ANO3: variants seen among roughly 807,000 people sequenced by gnomAD.
ANO3 encodes the protein anoctamin 3.
In ANO3, 99 loss-of-function variants were observed where a neutral mutation model predicts 144.8. The observed-to-expected ratio is 0.68, with a 90% CI of 0.58 to 0.81. The LOEUF is 0.81. Ranked by LOEUF, ANO3 falls within the 30% of genes least tolerant of loss-of-function variation. The pLI is 0.00. For missense variants in ANO3, 905 were observed against 1,202.2 expected (o/e 0.75, Z 3.66); for synonymous variants, 414 against 392.6 (o/e 1.05, Z -0.64).
intron 9 of ANO3, 89 bp from the exon 10 acceptor site, chr11:26,537,313 AATCG>A (rs1849534863): frequency 1.9e-6 from 2 of 1,037,058 alleles, no homozygotes; most frequent in African/African-American, 3.2e-5. Flanking sequence ...TAAACTTTTT[AATCG>A]ATTCATTGTT....
At chr11:26,393,954 AT>A (rs1856942950) in intron 1 of ANO3, among the ~76,000 whole-genome samples, 1 of 152,184 alleles carries the variant, frequency 6.6e-6, no homozygotes, top group Non-Finnish European at 1.5e-5. Context: ...CTACGGACAT[AT>A]TCGGTTGGTT....
chr11:26,581,709 AAAGG>A (rs1851138446), intron 14 of ANO3, among the ~76,000 whole-genome samples: 1 of 132,014 alleles, frequency 7.6e-6, no homozygotes, highest in African/African-American at 2.8e-5. Context: ...AAAAAAAAAA[AAAGG>A]AGAAAAGAAA....
rs372790419 is a variant in ANO3 at position 26,643,343 on chromosome 11, C to T, written c.2428+9C>T. ...CCGAGCAACTGACATAGGTAAGATT[C>T]GGAAGTTAAATGATTTTTACGTTGC... On this transcript the variant is annotated intron_variant, in intron 23 of 26. Transcript: ENST00000256737. 9.4e-5 allele frequency: 151 copies of T among 1,613,204 alleles called. No individual in the cohort carries two copies. Among genetic ancestry groups the T allele is most frequent in the Non-Finnish European group, 1.2e-4 (137 of 1,179,766 alleles).
chr11:26,609,095 A>G (rs1458571132), intron 17 of ANO3, among the ~76,000 whole-genome samples: 1 of 152,134 alleles, frequency 6.6e-6, no homozygotes, highest in African/African-American at 2.4e-5. Context: ...CTTCAAATCC[A>G]TGGGTTGCAA....
chr11:26,550,250 A>T (rs917365246), intron 12 of ANO3, among the ~76,000 whole-genome samples: 1 of 151,778 alleles, frequency 6.6e-6, no homozygotes, highest in African/African-American at 2.4e-5. Context: ...TTAATTATCA[A>T]TTGATTATTA....
chr11:26,561,223 G>T lies in ANO3; in HGVS notation c.1447+1444G>T, dbSNP rs1432172424. ...GGTTCCGGTGCATTGTCTAATCGCA[G>T]AACTAAAAAAGTAACAAAATAATAC... On this transcript the variant is annotated intron_variant, in intron 14 of 26. Transcript: ENST00000256737. 5.6e-6 allele frequency: 9 copies of T among 1,596,862 alleles called. No individual in the cohort carries two copies. The highest frequency in any genetic ancestry group is 5.3e-5 in the Admixed American group (3 of 57,080).
intron 12 of ANO3, among the ~76,000 whole-genome samples, chr11:26,552,182 A>G (rs1849950727): frequency 6.6e-6 from 1 of 151,992 alleles, no homozygotes; most frequent in Non-Finnish European, 1.5e-5. Flanking sequence ...AATTTGACAG[A>G]CATAAAATCA....
At position 26,486,570 on chromosome 11, in the gene ANO3, T is replaced by C. The variant is rs570072485; in HGVS notation, c.433-21534T>C. On this transcript the variant is annotated intron_variant, in intron 4 of 26. Transcript: ENST00000256737. ...TTGTAGGTGCAAGTTTTTGTTTTAG[T>C]TCTTCTTAGATAAGCAATTATTCCT... Among the ~76,000 whole-genome samples, 4 of 152,258 alleles carry C rather than the reference T, an allele frequency of 2.6e-5. No individual in the cohort carries two copies. In the South Asian group the frequency reaches 6.2e-4, roughly 24 times the overall value.
chr11:26,547,558 A>C lies in ANO3; in HGVS notation c.1289+8A>C. On this transcript the variant is annotated splice_region_variant and intron_variant, in intron 12 of 26. Transcript: ENST00000256737. ...GAATAATAGTCAAGTAAGGTAGGCT[A>C]TTAAGAGACCTATTAAAAATATTTG... The C allele has an allele frequency of 6.2e-7, 1 of 1,610,478 alleles. No individual in the cohort carries two copies. Among genetic ancestry groups the C allele is most frequent in the Non-Finnish European group, 8.5e-7 (1 of 1,177,528 alleles).
rs577433227 is a variant in ANO3, at chr11:26,635,450, A to G, written c.2043+380A>G. On this transcript the variant is annotated intron_variant, in intron 20 of 26. Coordinates refer to ENST00000256737, the MANE Select transcript of ANO3 (RefSeq NM_031418.4). The stretch of plus-strand genomic sequence containing the variant: ...ACTGGAAACACCAACATGTAATTAT[A>G]TAAAAGTACCTGCCTAAGACTCATA... Among the ~76,000 whole-genome samples the G allele has an allele frequency of 3.3e-5, 5 of 152,306 alleles. No individual in the cohort carries two copies. In the South Asian group the frequency reaches 1.0e-3, roughly 32 times the overall value.
chr11:26,329,128 T>C (rs944562919), upstream of ANO3, among the ~76,000 whole-genome samples: 1 of 152,164 alleles, frequency 6.6e-6, no homozygotes, highest in African/African-American at 2.4e-5. Context: ...AGCTTAGCTT[T>C]CCTTAATGAG....
chr11:26,202,703 A>G (rs899274341), intron 1 of ANO3, among the ~76,000 whole-genome samples: 4 of 151,958 alleles, frequency 2.6e-5, no homozygotes, highest in Non-Finnish European at 5.9e-5. Flanking sequence ...ACACGAAGGC[A>G]TGAGAAAGCA....
chr11:26,604,319 G>A (rs1205321592), intron 17 of ANO3, among the ~76,000 whole-genome samples: 2 of 152,134 alleles, frequency 1.3e-5, no homozygotes, highest in Admixed American at 6.6e-5. Flanking sequence ...CTGTAGCCTT[G>A]TAGTATAGTT....
At chr11:26,383,888 CTTTTTTTT>C (rs61094091) in intron 1 of ANO3, among the ~76,000 whole-genome samples, 864 of 70,146 alleles carry the variant, frequency 0.012, 4 homozygotes, top group African/African-American at 0.046. Flanking sequence ...ATGCATTGTT[CTTTTTTTT>C]TTTTTTTTTT....
At chr11:26,413,486 A>AT (rs1024044214) in intron 1 of ANO3, among the ~76,000 whole-genome samples, 7 of 151,844 alleles carry the variant, frequency 4.6e-5, no homozygotes, top group Non-Finnish European at 8.8e-5. Context: ...ATTACTCTCT[A>AT]TTTTTTAGGG....
At chr11:26,496,246 C>T (rs562790256) in intron 4 of ANO3, among the ~76,000 whole-genome samples, 3 of 152,310 alleles carry the variant, frequency 2.0e-5, no homozygotes, top group African/African-American at 7.2e-5. Flanking sequence ...TGTTACAAGT[C>T]CAGAGCCAAA....
At chr11:26,463,789 G>A (rs1352583013) in intron 4 of ANO3, among the ~76,000 whole-genome samples, 7 of 151,816 alleles carry the variant, frequency 4.6e-5, no homozygotes, top group African/African-American at 1.7e-4. Flanking sequence ...GTTCCCATCA[G>A]ATACCAAAGA....
intron 1 of ANO3, among the ~76,000 whole-genome samples, chr11:26,296,861 T>C (rs1325562204): frequency 6.6e-6 from 1 of 152,122 alleles, no homozygotes; most frequent in African/African-American, 2.4e-5. Context: ...GTGACTTTGG[T>C]CTGAGCCTTT....
intron 7 of ANO3, among the ~76,000 whole-genome samples, chr11:26,530,261 TA>T (rs1401695283): frequency 1.3e-5 from 2 of 152,208 alleles, no homozygotes; most frequent in Non-Finnish European, 2.9e-5. Flanking sequence ...TGTACAAGTT[TA>T]CGTGGCTAGC....
Sources: gnomAD v4.1 joint callset for allele counts (sites outside exome capture counted in the v4.1 genomes callset) on GRCh38, gnomAD v4.1.1 for gene constraint, MANE v1.5 for transcripts, NCBI Gene and HGNC (gene_info 2026-07-23, HGNC 2026-07-21) for gene names.